Variants in PTPRD observed in about 807,000 individuals in gnomAD.
PTPRD encodes receptor-type tyrosine-protein phosphatase delta.
A neutral mutation model predicts 214.5 loss-of-function variants in PTPRD; 34 were observed. That is an observed-to-expected ratio of 0.16 (90% CI 0.12 to 0.21). The LOEUF is 0.21. Ranked by LOEUF, PTPRD falls within the 10% of genes least tolerant of loss-of-function variation. The pLI is 1.00. For missense variants in PTPRD, 2,545 were observed against 2,398.7 expected (o/e 1.06, Z -1.27); for synonymous variants, 1,128 against 845.7 (o/e 1.33, Z -5.79).
chr9:9,633,626 T>C (rs906908119), intron 7 of PTPRD, among the ~76,000 whole-genome samples: 4 of 152,316 alleles, frequency 2.6e-5, no homozygotes, highest in African/African-American at 9.6e-5. Context: ...GTCTGGTTAA[T>C]CTTATTATTC....
At chr9:9,233,321 T>C (rs1415426750) in intron 9 of PTPRD, among the ~76,000 whole-genome samples, 1 of 152,086 alleles carries the variant, frequency 6.6e-6, no homozygotes, top group Non-Finnish European at 1.5e-5. Flanking sequence ...GAGAACAATA[T>C]GGGGGTAACT....
In PTPRD at chr9:8,518,006, T is replaced by G; in HGVS notation, c.1385A>C (p.His462Pro). ...ATTGTGTTTCATCCAGTTGTTGACA[T>G]GTTGAGTGGGATCCATTGTATAATA... ...RVYYTMDPTQHVNNWMKHNVA... is the reference protein window; with the variant it reads ...RVYYTMDPTQPVNNWMKHNVA... The change falls in exon 21 of 46, where the codon CAT becomes CCT. Residue 462 changes from histidine (H) to proline (P), a missense_variant. Physicochemically the swap from His to Pro is moderately conservative, Grantham distance 77. Transcript: ENST00000381196. 1.2e-6 allele frequency: 2 copies of G among 1,614,204 alleles called. No homozygotes were observed. Among genetic ancestry groups the G allele is most frequent in the South Asian group, 2.2e-5 (2 of 91,084 alleles).
intron 6 of PTPRD, among the ~76,000 whole-genome samples, chr9:9,741,460 A>AC (rs2098400983): frequency 9.4e-6 from 1 of 106,340 alleles, no homozygotes; most frequent in Non-Finnish European, 1.7e-5. Flanking sequence ...TTTTTTTTTT[A>AC]AATTATGATT....
rs1387120468 is a variant in PTPRD at position 8,553,885 on chromosome 9, A to G, written c.353-25106T>C. Among the ~76,000 whole-genome samples, 3 of 152,158 alleles carry G rather than the reference A, an allele frequency of 2.0e-5. No individual in the cohort carries two copies. The East Asian group carries it at 5.8e-4, about 29-fold the overall frequency. On this transcript the variant is annotated intron_variant, in intron 14 of 45. Coordinates refer to ENST00000381196, the MANE Select transcript of PTPRD (RefSeq NM_002839.4). ...AGGCGGCCAGTCTCTTACGAAATTC[A>G]GAGAGAAAAAGACCACAGATTAGCC...
intron 8 of PTPRD, among the ~76,000 whole-genome samples, chr9:9,534,096 G>T (rs2076044691): frequency 6.6e-6 from 1 of 151,874 alleles, no homozygotes; most frequent in African/African-American, 2.4e-5. Context: ...AAAAATAGGG[G>T]CAAAAGAGAG....
intron 14 of PTPRD, among the ~76,000 whole-genome samples, chr9:8,603,968 A>G (rs1240364351): frequency 6.6e-6 from 1 of 152,312 alleles, no homozygotes; most frequent in African/African-American, 2.4e-5. Flanking sequence ...AGTTTCTCCT[A>G]CCTGTCCTGG....
chr9:9,495,310 C>T (rs77545589), intron 8 of PTPRD, among the ~76,000 whole-genome samples: 1 of 84,608 alleles, frequency 1.2e-5, no homozygotes, highest in East Asian at 3.5e-4. Context: ...ACCTTCAAGC[C>T]AAAAAAAAAA....
intron 7 of PTPRD, among the ~76,000 whole-genome samples, chr9:9,643,612 A>T (rs2096046790): frequency 6.6e-6 from 1 of 152,174 alleles, no homozygotes; most frequent in African/African-American, 2.4e-5. Flanking sequence ...TCACTTTTAA[A>T]CATATTATAG....
chr9:9,872,400 G>A (rs753941037), intron 5 of PTPRD, among the ~76,000 whole-genome samples: 1 of 151,520 alleles, frequency 6.6e-6, no homozygotes, highest in East Asian at 1.9e-4. Flanking sequence ...AGGAGTTTGA[G>A]ACAAGCCTAA....
At chr9:9,278,414 A>G (rs1341195285) in intron 9 of PTPRD, among the ~76,000 whole-genome samples, 1 of 151,416 alleles carries the variant, frequency 6.6e-6, no homozygotes, top group Non-Finnish European at 1.5e-5. Context: ...TATAACAAAT[A>G]AAATGGTCCT....
chr9:8,682,843 A>G (rs1413073868), intron 12 of PTPRD, among the ~76,000 whole-genome samples: 3 of 152,188 alleles, frequency 2.0e-5, no homozygotes, highest in Non-Finnish European at 2.9e-5. Context: ...ATGTAGGCCT[A>G]TCATAGGTTT....
intron 11 of PTPRD, among the ~76,000 whole-genome samples, chr9:8,945,208 T>C (rs2099056426): frequency 6.6e-6 from 1 of 151,962 alleles, no homozygotes; most frequent in African/African-American, 2.4e-5. Context: ...AAACAGAAAA[T>C]CATTCATGGT....
chr9:10,460,815 T>C (rs186191083), intron 2 of PTPRD, among the ~76,000 whole-genome samples: 22 of 152,276 alleles, frequency 1.4e-4, no homozygotes, highest in African/African-American at 5.3e-4. Flanking sequence ...GAAAAGCTCC[T>C]TGACATTAGT....
chr9:8,394,619 C>T (rs796480877), intron 36 of PTPRD, among the ~76,000 whole-genome samples: 3 of 152,212 alleles, frequency 2.0e-5, no homozygotes, highest in African/African-American at 7.2e-5. Flanking sequence ...AAACTGATGC[C>T]CTCCAGTTCT....
intron 5 of PTPRD, among the ~76,000 whole-genome samples, chr9:9,877,879 A>C (rs1476151180): frequency 5.4e-5 from 8 of 149,134 alleles, no homozygotes; most frequent in Non-Finnish European, 8.9e-5. Context: ...AGGCTGAGGC[A>C]GGAGAATTGC....
At chr9:9,918,456 A>G (rs1162669384) in intron 5 of PTPRD, among the ~76,000 whole-genome samples, 1 of 152,018 alleles carries the variant, frequency 6.6e-6, no homozygotes, top group Non-Finnish European at 1.5e-5. Flanking sequence ...GGATTAGAAG[A>G]ATATTGTTAG....
chr9:8,791,287 G>A (rs779860379), intron 11 of PTPRD, among the ~76,000 whole-genome samples: 12 of 151,978 alleles, frequency 7.9e-5, no homozygotes, highest in South Asian at 4.2e-4. Flanking sequence ...GTGCAGTGGC[G>A]TGATCTCCGC....
intron 9 of PTPRD, among the ~76,000 whole-genome samples, chr9:9,350,633 T>G (rs553684674): frequency 6.6e-6 from 1 of 152,200 alleles, no homozygotes; most frequent in South Asian, 2.1e-4. Context: ...TCCTCTATAT[T>G]TTCTACGGTT....
intron 2 of PTPRD, among the ~76,000 whole-genome samples, chr9:10,573,500 G>C (rs576972356): frequency 6.6e-6 from 1 of 152,190 alleles, no homozygotes; most frequent in South Asian, 2.1e-4. Context: ...AGGCAAGATG[G>C]CCAACTAGAC....
Sources: gnomAD v4.1 joint callset for allele counts (sites outside exome capture counted in the v4.1 genomes callset) on GRCh38, gnomAD v4.1.1 for gene constraint, MANE v1.5 for transcripts, NCBI Gene and HGNC (gene_info 2026-07-23, HGNC 2026-07-21) for gene names.